KCNMB2: variants seen among roughly 807,000 people sequenced by gnomAD.
KCNMB2 encodes the protein calcium-activated potassium channel subunit beta-2.
Under a neutral mutation model 24.5 loss-of-function variants are expected in KCNMB2, and 9 were observed. The ratio of observed to expected loss-of-function variants is 0.37; its 90% CI spans 0.22 to 0.64. The LOEUF (loss-of-function observed/expected upper bound fraction) is 0.64, where lower values mean the gene tolerates loss of function less well. Among genes scored for constraint, KCNMB2 ranks in the 30% least tolerant of loss-of-function variants. The pLI is 0.63. For synonymous variants in KCNMB2, 109 were observed against 104.4 expected, an observed-to-expected ratio of 1.04 and a Z score of -0.27; for missense variants, 226 against 284.3, an observed-to-expected ratio of 0.79 and a Z score of 1.47.
chr3:178,642,065 T>C (rs750454912), intron 1 of KCNMB2, among the ~76,000 whole-genome samples: 1 of 152,168 alleles, frequency 6.6e-6, no homozygotes, highest in Non-Finnish European at 1.5e-5. Flanking sequence ...TGCAATCATG[T>C]GTAATAATAT....
intron 1 of KCNMB2, among the ~76,000 whole-genome samples, chr3:178,596,915 A>G (rs538303310): frequency 2.6e-5 from 4 of 152,258 alleles, no homozygotes; most frequent in Admixed American, 1.3e-4. Context: ...CTTTCAGTTA[A>G]TACATCCAAT....
At position 178,815,974 on chromosome 3, in the gene KCNMB2, T is replaced by G. The variant is rs1714390728; in HGVS notation, c.56+8509T>G. On this transcript the variant is annotated intron_variant, in intron 2 of 4. Transcript: ENST00000452583. ...GTTTGTGAAAGATATTGACCTATAATTTTTTTGTGTATTGTTCTGATTTGG... is the reference window on the plus strand; with the variant it reads ...GTTTGTGAAAGATATTGACCTATAAGTTTTTTGTGTATTGTTCTGATTTGG... 4.0e-5 allele frequency among the ~76,000 whole-genome samples: 6 copies of G among 151,848 alleles called. No homozygotes were observed. The South Asian group carries it at 1.2e-3, about 32-fold the overall frequency.
At chr3:178,803,582 A>G (rs1713854422) in intron 1 of KCNMB2, among the ~76,000 whole-genome samples, 1 of 152,180 alleles carries the variant, frequency 6.6e-6, no homozygotes, top group African/African-American at 2.4e-5. Context: ...ATTGTGCTGT[A>G]AGGGTGCATG....
At chr3:178,619,846 G>A (rs1718845438) in intron 1 of KCNMB2, among the ~76,000 whole-genome samples, 1 of 152,066 alleles carries the variant, frequency 6.6e-6, no homozygotes, top group East Asian at 1.9e-4. Context: ...GTTTTTAGTA[G>A]GCAAAGAGAA....
chr3:178,675,943 T>C (rs1315772618), intron 1 of KCNMB2, among the ~76,000 whole-genome samples: 2 of 152,206 alleles, frequency 1.3e-5, no homozygotes, highest in African/African-American at 4.8e-5. Context: ...ATCAACATTA[T>C]CTCATAATTG....
intron 1 of KCNMB2, among the ~76,000 whole-genome samples, chr3:178,754,054 C>A (rs1048545210): frequency 6.6e-6 from 1 of 150,550 alleles, no homozygotes; most frequent in East Asian, 1.9e-4. Flanking sequence ...TCTTTCTGTG[C>A]CTGGTTCATT....
At chr3:178,795,966 T>C (rs1713526726) in intron 1 of KCNMB2, among the ~76,000 whole-genome samples, 1 of 152,050 alleles carries the variant, frequency 6.6e-6, no homozygotes, top group Non-Finnish European at 1.5e-5. Context: ...TCCTGGTGTA[T>C]GAAACACAGT....
chr3:178,658,696 G>A (rs1475669009), intron 1 of KCNMB2, among the ~76,000 whole-genome samples: 1 of 152,126 alleles, frequency 6.6e-6, no homozygotes, highest in Non-Finnish European at 1.5e-5. Flanking sequence ...AGCCCAGAGG[G>A]CCATGCCTTC....
At chr3:178,693,398 C>T (rs1235499454) in intron 1 of KCNMB2, among the ~76,000 whole-genome samples, 1 of 152,062 alleles carries the variant, frequency 6.6e-6, no homozygotes, top group African/African-American at 2.4e-5. Flanking sequence ...GTTTATATGA[C>T]TCTTATAATT....
At chr3:178,614,297 G>GTATATATATATATATATA (rs1718620687) in intron 1 of KCNMB2, among the ~76,000 whole-genome samples, 4 of 54,580 alleles carry the variant, frequency 7.3e-5, no homozygotes, top group African/African-American at 2.8e-4. Flanking sequence ...ATATATATAT[G>GTATATATATATATATATA]TATGTATATA....
intron 1 of KCNMB2, among the ~76,000 whole-genome samples, chr3:178,743,968 T>C (rs1163438546): frequency 6.6e-6 from 1 of 152,226 alleles, no homozygotes; most frequent in Non-Finnish European, 1.5e-5. Flanking sequence ...GAAATATCAT[T>C]AGCAAATTTT....
intron 1 of KCNMB2, among the ~76,000 whole-genome samples, chr3:178,700,675 G>A (rs13079143): frequency 0.33 from 49,802 of 151,908 alleles, 8,879 homozygotes; most frequent in African/African-American, 0.47. Context: ...GAAGATATTT[G>A]CAACATATAT....
At chr3:178,621,278 T>G (rs928432943) in intron 1 of KCNMB2, among the ~76,000 whole-genome samples, 1 of 151,958 alleles carries the variant, frequency 6.6e-6, no homozygotes, top group African/African-American at 2.4e-5. Context: ...CCTGCTCCTC[T>G]TATTCTCTCC....
At chr3:178,649,098 G>A (rs957987688) in intron 1 of KCNMB2, among the ~76,000 whole-genome samples, 1 of 152,042 alleles carries the variant, frequency 6.6e-6, no homozygotes, top group Admixed American at 6.6e-5. Context: ...ATATGATTTA[G>A]ATGTTAGTTT....
chr3:178,576,214 G>T (rs536254502), intron 1 of KCNMB2, among the ~76,000 whole-genome samples: 1 of 151,958 alleles, frequency 6.6e-6, no homozygotes, highest in Admixed American at 6.6e-5. Flanking sequence ...AGCAGGGTGG[G>T]GCGTTGCCTC....
intron 1 of KCNMB2, chr3:178,748,613 G>A (rs1033404088): frequency 6.6e-6 from 1 of 152,124 alleles, no homozygotes; most frequent in Admixed American, 6.5e-5. Context: ...TCTATAACAA[G>A]ATTAGATTTT....
At chr3:178,760,984 G>A (rs564749110) in intron 1 of KCNMB2, among the ~76,000 whole-genome samples, 1 of 152,046 alleles carries the variant, frequency 6.6e-6, no homozygotes, top group East Asian at 1.9e-4. Flanking sequence ...CTGGGCTCTA[G>A]GGCCTCGGCA....
intron 1 of KCNMB2, among the ~76,000 whole-genome samples, chr3:178,798,300 G>A (rs1375171624): frequency 6.6e-6 from 1 of 151,930 alleles, no homozygotes; most frequent in African/African-American, 2.4e-5. Flanking sequence ...TTATTTTGAG[G>A]TATGTTCCTT....
chr3:178,801,085 T>C (rs988945679), intron 1 of KCNMB2, among the ~76,000 whole-genome samples: 1 of 152,022 alleles, frequency 6.6e-6, no homozygotes, highest in Non-Finnish European at 1.5e-5. Flanking sequence ...CAAAATATAG[T>C]TGATAGAATG....
Sources: gnomAD v4.1 joint callset for allele counts (sites outside exome capture counted in the v4.1 genomes callset) on GRCh38, gnomAD v4.1.1 for gene constraint, MANE v1.5 for transcripts, NCBI Gene and HGNC (gene_info 2026-07-23, HGNC 2026-07-21) for gene names.